Variants in ZNF536 observed in about 807,000 individuals in gnomAD.
ZNF536 encodes the protein zinc finger protein 536.
In ZNF536, 13 loss-of-function variants were observed where a neutral mutation model predicts 84.5. The observed-to-expected ratio is 0.15, with a 90% CI of 0.10 to 0.24. ZNF536 has a LOEUF of 0.24. Ranked by LOEUF, ZNF536 falls within the 10% of genes least tolerant of loss-of-function variation. The pLI, the probability that ZNF536 is intolerant of heterozygous loss-of-function variation, is 1.00. For missense variants in ZNF536, 1,536 were observed against 1,747.5 expected, an observed-to-expected ratio of 0.88 and a Z score of 2.16; for synonymous variants, 811 against 742.5, an observed-to-expected ratio of 1.09 and a Z score of -1.50.
At chr19:30,483,977 C>G (rs1035305968) in intron 2 of ZNF536, among the ~76,000 whole-genome samples, 1 of 152,054 alleles carries the variant, frequency 6.6e-6, no homozygotes, top group Non-Finnish European at 1.5e-5. Flanking sequence ...TCCCCCTCTA[C>G]CTCACCATCC....
intron 3 of ZNF536, among the ~76,000 whole-genome samples, chr19:30,541,087 A>G (rs1568532070): frequency 6.6e-6 from 1 of 152,202 alleles, no homozygotes; most frequent in Non-Finnish European, 1.5e-5. Context: ...TGATAAACTC[A>G]TGCTATGGTG....
chr19:30,426,008 C>T (rs928058844), intron 1 of ZNF536, among the ~76,000 whole-genome samples: 1 of 152,130 alleles, frequency 6.6e-6, no homozygotes, highest in African/African-American at 2.4e-5. Flanking sequence ...TTTCAGGGTT[C>T]CCCTCCCAGC....
At chr19:30,268,042 C>CACCTCCCTCCCTTTCTCTCCCCCT (rs1568546138) in intron 1 of ZNF536, among the ~76,000 whole-genome samples, 2 of 118,296 alleles carry the variant, frequency 1.7e-5, no homozygotes, top group African/African-American at 5.9e-5. Flanking sequence ...TTCCTCCCCC[C>CACCTCCCTCCCTTTCTCTCCCCCT]GCCTCCCTCC....
chr19:30,428,356 A>T (rs1022690379), intron 1 of ZNF536, among the ~76,000 whole-genome samples: 1 of 152,226 alleles, frequency 6.6e-6, no homozygotes, highest in Non-Finnish European at 1.5e-5. Flanking sequence ...CTTCCCAGGT[A>T]CATTAGCATT....
intron 1 of ZNF536, among the ~76,000 whole-genome samples, chr19:30,707,105 T>G (rs1382858135): frequency 6.6e-6 from 1 of 152,118 alleles, no homozygotes; most frequent in Non-Finnish European, 1.5e-5. Flanking sequence ...GGATGATAAC[T>G]TAAAAAATTG....
rs2146201354 is a variant in ZNF536, at chr19:30,548,437, G to A, written c.2818G>A (p.Ala940Thr). The A allele has an allele frequency of 1.2e-6, 2 of 1,614,202 alleles. No individual in the cohort carries two copies. Among genetic ancestry groups the A allele is most frequent in the Non-Finnish European group, 1.7e-6 (2 of 1,180,038 alleles). ...GAAGGAGAAGGACATGAAGGACAAA[G>A]CCCTGGCTGACCCCCCTTCCATGAA... ...LKKEKDMKDK[A>T]LADPPSMKVH... Residue 940 changes from alanine (A) to threonine (T), a missense_variant, in exon 4 of 5, where the codon GCC (alanine) becomes ACC (threonine). Physicochemically the swap from Ala to Thr is moderately conservative, Grantham distance 58. This residue lies in a region of ZNF536 where 624 missense variants were observed against 603.1 expected (regional missense o/e 1.03). Coordinates refer to ENST00000355537, the MANE Select transcript of ZNF536 (RefSeq NM_014717.3).
At chr19:30,477,406 C>G (rs936098309) in intron 2 of ZNF536, among the ~76,000 whole-genome samples, 1 of 151,942 alleles carries the variant, frequency 6.6e-6, no homozygotes, top group African/African-American at 2.4e-5. Flanking sequence ...ACTGATGGAC[C>G]CAGTGTGTTG....
At chr19:30,538,479 C>A (rs1190215956) in intron 3 of ZNF536, among the ~76,000 whole-genome samples, 1 of 152,244 alleles carries the variant, frequency 6.6e-6, no homozygotes, top group Non-Finnish European at 1.5e-5. Context: ...ATTACTGTTT[C>A]TCTTCTCCTA....
chr19:30,527,642 C>T (rs1394690205), intron 2 of ZNF536, among the ~76,000 whole-genome samples: 2 of 151,298 alleles, frequency 1.3e-5, no homozygotes, highest in Non-Finnish European at 2.9e-5. Context: ...TGAGTTATGT[C>T]TTCTAAGAGT....
intron 1 of ZNF536, 23 bp from the exon 2 acceptor site, chr19:30,443,538 C>A: frequency 3.3e-6 from 5 of 1,521,138 alleles, no homozygotes; most frequent in Non-Finnish European, 4.4e-6. Context: ...TGGCACGGAT[C>A]TGAACTCTGC....
At chr19:30,371,733 C>A, upstream of ZNF536, among the ~76,000 whole-genome samples, 1 of 150,014 alleles carries the variant, frequency 6.7e-6, no homozygotes, top group East Asian at 1.9e-4. Flanking sequence ...AGGCAGCGGC[C>A]CCAAAAGAGT....
At chr19:30,464,680 C>T (rs2053305367) in intron 2 of ZNF536, among the ~76,000 whole-genome samples, 1 of 151,762 alleles carries the variant, frequency 6.6e-6, no homozygotes, top group Admixed American at 6.6e-5. Flanking sequence ...GCTGTCATCT[C>T]CAGGAAGTAG....
chr19:30,521,716 G>A (rs955449006), intron 2 of ZNF536, among the ~76,000 whole-genome samples: 14 of 152,244 alleles, frequency 9.2e-5, no homozygotes, highest in Non-Finnish European at 1.5e-5. Context: ...AAGGAAAGCT[G>A]GTGTCAAAGA....
chr19:30,548,122 C>A lies in ZNF536; in HGVS notation c.2503C>A (p.Pro835Thr), dbSNP rs2146183866. ...MSSKASLFIRPDILRGAFKGL... is the reference protein window; with the variant it reads ...MSSKASLFIRTDILRGAFKGL... Reference sequence around the variant, plus strand: ...AAGCAAAGCTTCTCTGTTCATCAGGCCAGACATCCTGAGGGGGGCCTTCAA... The same window carrying A: ...AAGCAAAGCTTCTCTGTTCATCAGGACAGACATCCTGAGGGGGGCCTTCAA... The change falls in exon 4 of 5, where the codon CCA becomes ACA. Residue 835 changes from proline to threonine, a missense_variant. Coordinates refer to ENST00000355537, the MANE Select transcript of ZNF536 (RefSeq NM_014717.3). 6.2e-7 allele frequency: 1 copy of A among 1,614,044 alleles called. No individual in the cohort carries two copies. Among genetic ancestry groups the A allele is most frequent in the Non-Finnish European group, 8.5e-7 (1 of 1,179,954 alleles).
At chr19:30,506,559 G>C (rs1391523782) in intron 2 of ZNF536, among the ~76,000 whole-genome samples, 1 of 152,176 alleles carries the variant, frequency 6.6e-6, no homozygotes, top group Non-Finnish European at 1.5e-5. Flanking sequence ...TTCTGCCCTG[G>C]GGAAAGACCT....
chr19:30,609,895 TATCC>T (rs202076068), intron 1 of ZNF536, among the ~76,000 whole-genome samples: 67,797 of 140,322 alleles, frequency 0.48, 15,482 homozygotes, highest in East Asian at 0.64. Flanking sequence ...TCCACCCATT[TATCC>T]ATCCATCCAT....
intron 2 of ZNF536, among the ~76,000 whole-genome samples, chr19:30,335,545 G>A (rs1435414398): frequency 2.6e-5 from 4 of 152,150 alleles, no homozygotes; most frequent in African/African-American, 9.7e-5. Context: ...GAGCTACGCG[G>A]TGGGTGTCTG....
chr19:30,706,255 C>T (rs1299958917), intron 1 of ZNF536, among the ~76,000 whole-genome samples: 2 of 152,076 alleles, frequency 1.3e-5, no homozygotes, highest in Non-Finnish European at 2.9e-5. Flanking sequence ...GATGCTGAGG[C>T]GGGTGGATCA....
At chr19:30,356,130 T>C (rs1014643139) in intron 3 of ZNF536, among the ~76,000 whole-genome samples, 1 of 152,090 alleles carries the variant, frequency 6.6e-6, no homozygotes, top group African/African-American at 2.4e-5. Flanking sequence ...CACCACAATG[T>C]AGATTTCCAG....
Sources: allele counts gnomAD v4.1 joint callset (sites outside exome capture counted in the v4.1 genomes callset), GRCh38; gene constraint gnomAD v4.1.1; regional missense constraint gnomAD v4.1.1; transcripts MANE v1.5; gene names NCBI Gene and HGNC (gene_info 2026-07-23, HGNC 2026-07-21).